Variants in ANKFN1 observed in about 807,000 individuals in gnomAD.
ANKFN1 encodes the protein ankyrin repeat and fibronectin type-III domain-containing protein 1.
In ANKFN1, 74 loss-of-function variants were observed where a neutral mutation model predicts 108.7. That is an observed-to-expected ratio of 0.68 (90% CI 0.56 to 0.83). The LOEUF (loss-of-function observed/expected upper bound fraction) is 0.83, where lower values mean the gene tolerates loss of function less well. ANKFN1 is among the 40% of genes least tolerant of loss of function. The pLI, the probability that ANKFN1 is intolerant of heterozygous loss-of-function variation, is 0.00. For synonymous variants in ANKFN1, 547 were observed against 516.2 expected (o/e 1.06, Z -0.81); for missense variants, 1,505 against 1,382.3 (o/e 1.09, Z -1.41).
chr17:56,057,781 T>C (rs1904903895), intron 4 of ANKFN1, among the ~76,000 whole-genome samples: 1 of 56,904 alleles, frequency 1.8e-5, no homozygotes, highest in Non-Finnish European at 4.1e-5. Flanking sequence ...TGAAACTCTG[T>C]CTCAAAAAAA....
intron 3 of ANKFN1, 26 bp downstream of exon 3, chr17:56,227,983 G>T: frequency 1.9e-6 from 3 of 1,589,422 alleles, no homozygotes; most frequent in East Asian, 2.2e-5. Flanking sequence ...CCTTGAAATG[G>T]TATCTACTTC....
chr17:56,370,433 A>C (rs1013561459), intron 6 of ANKFN1, among the ~76,000 whole-genome samples: 5 of 152,218 alleles, frequency 3.3e-5, no homozygotes, highest in Non-Finnish European at 4.4e-5. Context: ...GTGGATATAA[A>C]AATTAATAGT....
At chr17:56,387,771 T>C (rs936837842) in intron 8 of ANKFN1, among the ~76,000 whole-genome samples, 12 of 152,216 alleles carry the variant, frequency 7.9e-5, no homozygotes, top group African/African-American at 2.9e-4. Flanking sequence ...TGATTTCTAT[T>C]TCAGTTGTAG....
intron 8 of ANKFN1, among the ~76,000 whole-genome samples, chr17:56,413,378 GT>G (rs2048152080): frequency 6.6e-6 from 1 of 152,134 alleles, no homozygotes; most frequent in Non-Finnish European, 1.5e-5. Flanking sequence ...AAAAGGGACA[GT>G]TTGACTTCCT....
At chr17:56,298,162 T>G (rs1348997770) in intron 3 of ANKFN1, among the ~76,000 whole-genome samples, 1 of 152,184 alleles carries the variant, frequency 6.6e-6, no homozygotes, top group East Asian at 1.9e-4. Context: ...AATTGATGTG[T>G]GTTAAATTTT....
At chr17:56,450,586 A>C (rs1221091840) in intron 11 of ANKFN1, among the ~76,000 whole-genome samples, 1 of 152,162 alleles carries the variant, frequency 6.6e-6, no homozygotes, top group Admixed American at 6.5e-5. Context: ...ACACTGACCA[A>C]AGTCTAGTCA....
intron 4 of ANKFN1, among the ~76,000 whole-genome samples, chr17:56,115,230 G>A (rs140859234): frequency 6.6e-6 from 1 of 152,278 alleles, no homozygotes; most frequent in East Asian, 1.9e-4. Flanking sequence ...ATTTGTATTT[G>A]AGGGGCCACA....
chr17:56,229,440 T>G (rs1916534372), intron 3 of ANKFN1, among the ~76,000 whole-genome samples: 1 of 152,038 alleles, frequency 6.6e-6, no homozygotes, highest in Non-Finnish European at 1.5e-5. Flanking sequence ...ATTTGGTAGC[T>G]CTTTACCATA....
chr17:56,432,102 C>G (rs2048776794), intron 8 of ANKFN1, among the ~76,000 whole-genome samples: 1 of 152,206 alleles, frequency 6.6e-6, no homozygotes, highest in Non-Finnish European at 1.5e-5. Context: ...CCCAAGCCTG[C>G]TGATTTCCAA....
intron 6 of ANKFN1, among the ~76,000 whole-genome samples, chr17:56,356,925 A>T (rs2046392113): frequency 1.3e-5 from 2 of 152,146 alleles, no homozygotes. Flanking sequence ...AAAACTCTGC[A>T]TTTTCTGTGA....
intron 3 of ANKFN1, among the ~76,000 whole-genome samples, chr17:56,274,796 C>A (rs1469784727): frequency 6.6e-6 from 1 of 152,162 alleles, no homozygotes; most frequent in Non-Finnish European, 1.5e-5. Flanking sequence ...TTCATTCATT[C>A]AGCCAGAGGA....
chr17:56,203,794 T>C lies in ANKFN1; in HGVS notation c.-70-8804T>C, dbSNP rs564105499. The stretch of plus-strand genomic sequence containing the variant: ...TGGCAAAGAATGTAAGTAACTATTA[T>C]GAGGCTCAATAAAAGTTGGATATTG... On this transcript the variant is annotated intron_variant, in intron 1 of 20. Transcript: ENST00000682825. Among the ~76,000 whole-genome samples, 38 of 152,326 alleles carry C rather than the reference T, an allele frequency of 2.5e-4. No individual in the cohort carries two copies. In the South Asian group the frequency reaches 7.5e-3, roughly 30 times the overall value.
chr17:56,322,074 T>C (rs939018023), intron 3 of ANKFN1, among the ~76,000 whole-genome samples: 2 of 152,162 alleles, frequency 1.3e-5, no homozygotes, highest in African/African-American at 4.8e-5. Flanking sequence ...AAGCATTCTA[T>C]GAATGTCTAG....
At chr17:56,240,949 A>G (rs1408238684) in intron 3 of ANKFN1, among the ~76,000 whole-genome samples, 2 of 150,698 alleles carry the variant, frequency 1.3e-5, no homozygotes. Context: ...ACATTTTCCA[A>G]CTCTGTTTTT....
chr17:56,457,271 C>A lies in ANKFN1; in HGVS notation c.1322C>A (p.Ala441Asp). 1 of 1,590,116 alleles carries A rather than the reference C, an allele frequency of 6.3e-7. No individual in the cohort carries two copies. Among genetic ancestry groups the A allele is most frequent in the Non-Finnish European group, 8.6e-7 (1 of 1,169,100 alleles). Residue 441 changes from alanine to aspartate, a missense_variant, in exon 13 of 21, where the codon GCC becomes GAC. By Grantham distance (126) the Ala-to-Asp change is moderately radical. Coordinates refer to ENST00000682825, the MANE Select transcript of ANKFN1 (RefSeq NM_001370326.1). ...VKTLKRGLYI[A>D]VIFYYKDNIL... ...TTTCTTTTTAGGGGACTCTACATAG[C>A]CGTTATATTTTATTACAAAGACAAT...
chr17:56,434,772 G>C (rs1291390870), intron 8 of ANKFN1, among the ~76,000 whole-genome samples: 3 of 125,488 alleles, frequency 2.4e-5, no homozygotes, highest in Non-Finnish European at 3.6e-5. Context: ...TGGGTTTCTC[G>C]GCACGTCCTT....
At chr17:56,048,988 A>G (rs1904728051) in intron 4 of ANKFN1, among the ~76,000 whole-genome samples, 1 of 152,236 alleles carries the variant, frequency 6.6e-6, no homozygotes. Context: ...CTGCCCTGTA[A>G]TGATCTCACA....
intron 4 of ANKFN1, among the ~76,000 whole-genome samples, chr17:56,111,453 T>C (rs1007416272): frequency 6.6e-6 from 1 of 150,614 alleles, no homozygotes; most frequent in African/African-American, 2.4e-5. Flanking sequence ...TGCTTTTTGC[T>C]GAAGCCATGC....
intron 15 of ANKFN1, among the ~76,000 whole-genome samples, chr17:56,475,135 T>A (rs574935452): frequency 5.3e-5 from 8 of 152,290 alleles, no homozygotes; most frequent in African/African-American, 1.9e-4. Context: ...CACAAAGCAA[T>A]GAAAAACATA....
Sources: allele counts gnomAD v4.1 joint callset (sites outside exome capture counted in the v4.1 genomes callset), GRCh38; gene constraint gnomAD v4.1.1; transcripts MANE v1.5; gene names NCBI Gene and HGNC (gene_info 2026-07-23, HGNC 2026-07-21).